The following BANK1 variants were observed in gnomAD, a reference collection of about 807,000 sequenced individuals.
BANK1 encodes B cell scaffold protein with ankyrin repeats 1.
BANK1 carries 95 observed loss-of-function variants against 94.5 expected under a neutral mutation model. That is an observed-to-expected ratio of 1.00 (90% CI 0.85 to 1.19). BANK1 has a LOEUF of 1.19. BANK1 is among the 50% of genes most tolerant of loss of function. The probability of loss-of-function intolerance (pLI) is 0.00; values close to 1 mark genes in which losing one functional copy is unlikely to be tolerated. For missense variants in BANK1, 987 were observed against 932.2 expected (o/e 1.06, Z -0.77); for synonymous variants, 334 against 308.4 (o/e 1.08, Z -0.87).
intron 7 of BANK1, among the ~76,000 whole-genome samples, chr4:101,963,290 T>A (rs1724634732): frequency 6.6e-6 from 1 of 152,170 alleles, no homozygotes. Context: ...CTCCTGCACT[T>A]ACAACTACCA....
At chr4:101,952,444 T>G (rs1373004274) in intron 7 of BANK1, among the ~76,000 whole-genome samples, 4 of 152,136 alleles carry the variant, frequency 2.6e-5, no homozygotes, top group Non-Finnish European at 4.4e-5. Flanking sequence ...ATGCATGCAA[T>G]AGATTCTCTG....
intron 1 of BANK1, among the ~76,000 whole-genome samples, chr4:101,794,180 C>T (rs1220830088): frequency 6.6e-5 from 10 of 151,916 alleles, no homozygotes; most frequent in African/African-American, 2.2e-4. Flanking sequence ...AAAATGAGAG[C>T]GTGCTCTGTT....
chr4:101,906,974 T>A (rs1722475639), intron 6 of BANK1, among the ~76,000 whole-genome samples: 1 of 152,174 alleles, frequency 6.6e-6, no homozygotes, highest in Admixed American at 6.5e-5. Context: ...CCTTCAGAGC[T>A]GAGAGCCCCG....
chr4:102,047,949 G>A (rs764757038), intron 11 of BANK1, among the ~76,000 whole-genome samples: 3 of 152,100 alleles, frequency 2.0e-5, no homozygotes, highest in African/African-American at 7.2e-5. Context: ...AAAGGGAAAC[G>A]AGGACCTAAT....
chr4:102,061,197 A>AC (rs1192268667), intron 12 of BANK1, among the ~76,000 whole-genome samples: 7 of 152,218 alleles, frequency 4.6e-5, no homozygotes, highest in Non-Finnish European at 1.5e-5. Context: ...CCCAAGAGAT[A>AC]ATTTTTGTTT....
chr4:101,960,305 G>T (rs760109934), intron 7 of BANK1, among the ~76,000 whole-genome samples: 12 of 152,132 alleles, frequency 7.9e-5, no homozygotes, highest in Non-Finnish European at 1.6e-4. Context: ...TATACTCAAG[G>T]TAGATGTAGA....
intron 1 of BANK1, among the ~76,000 whole-genome samples, chr4:101,811,804 A>G (rs1430993745): frequency 6.6e-6 from 1 of 152,212 alleles, no homozygotes; most frequent in East Asian, 1.9e-4. Context: ...TGGGATAAAT[A>G]AGATAAGAAG....
chr4:101,848,001 G>C (rs1314075305), intron 2 of BANK1, among the ~76,000 whole-genome samples: 2 of 152,056 alleles, frequency 1.3e-5, no homozygotes, highest in Non-Finnish European at 2.9e-5. Context: ...GCGAGGAATG[G>C]CTGCCTGGGA....
chr4:101,906,548 G>C (rs766084632), intron 6 of BANK1, among the ~76,000 whole-genome samples: 2 of 152,162 alleles, frequency 1.3e-5, no homozygotes, highest in Non-Finnish European at 2.9e-5. Flanking sequence ...GTGCAGAAGG[G>C]TAGGGATGAA....
At chr4:101,951,688 T>A (rs2851329) in intron 7 of BANK1, among the ~76,000 whole-genome samples, 51,062 of 151,774 alleles carry the variant, frequency 0.34, 9,731 homozygotes, top group Non-Finnish European at 0.43. Flanking sequence ...TTACATTTTT[T>A]AAAAAATTTG....
chr4:101,995,512 A>G (rs957601607), intron 7 of BANK1, among the ~76,000 whole-genome samples: 92 of 151,898 alleles, frequency 6.1e-4, no homozygotes, highest in African/African-American at 2.1e-3. Flanking sequence ...ATCCCTGAGG[A>G]ATCGCCACAC....
intron 5 of BANK1, among the ~76,000 whole-genome samples, chr4:101,876,207 A>AAGGGCCTTGGGTG (rs1945910702): frequency 6.6e-6 from 1 of 152,310 alleles, no homozygotes; most frequent in East Asian, 1.9e-4. Context: ...GTACTACATC[A>AAGGGCCTTGGGTG]AGGGCCTTGG....
chr4:102,071,647 G>A (rs1281853839), intron 14 of BANK1, among the ~76,000 whole-genome samples: 1 of 152,144 alleles, frequency 6.6e-6, no homozygotes, highest in Non-Finnish European at 1.5e-5. Context: ...TGTACCATGG[G>A]GAATTGCTAT....
At chr4:101,876,522 G>T (rs888036040) in intron 5 of BANK1, among the ~76,000 whole-genome samples, 1 of 152,036 alleles carries the variant, frequency 6.6e-6, no homozygotes, top group East Asian at 1.9e-4. Flanking sequence ...AAACAGATAC[G>T]GCTTAGATCA....
chr4:101,878,406 T>A (rs1728567013), intron 5 of BANK1, among the ~76,000 whole-genome samples: 1 of 152,190 alleles, frequency 6.6e-6, no homozygotes, highest in Admixed American at 6.5e-5. Flanking sequence ...TAACAGTATA[T>A]GACAATTTTA....
chr4:101,897,134 G>C (rs563541566), intron 6 of BANK1, among the ~76,000 whole-genome samples: 4 of 151,822 alleles, frequency 2.6e-5, no homozygotes, highest in Non-Finnish European at 5.9e-5. Context: ...TCCTGTAATC[G>C]TTTGTCTTGA....
chr4:101,837,548 A>G (rs1000131273), intron 2 of BANK1, among the ~76,000 whole-genome samples: 38 of 152,220 alleles, frequency 2.5e-4, no homozygotes, highest in Non-Finnish European at 4.7e-4. Flanking sequence ...TGAGACTGTA[A>G]GGACTAAGGT....
chr4:101,901,406 A>G (rs1398312076), intron 6 of BANK1, among the ~76,000 whole-genome samples: 1 of 152,204 alleles, frequency 6.6e-6, no homozygotes, highest in Non-Finnish European at 1.5e-5. Flanking sequence ...TAAAATTTCA[A>G]TTGACTGCTT....
chr4:101,792,259 C>CCG (rs904242269), intron 1 of BANK1, among the ~76,000 whole-genome samples: 17 of 139,428 alleles, frequency 1.2e-4, no homozygotes, highest in Admixed American at 2.8e-4. Context: ...TTCCGCTCCC[C>CCG]CCCCGCCCCG....
Sources: gnomAD v4.1 joint callset for allele counts (sites outside exome capture counted in the v4.1 genomes callset) on GRCh38, gnomAD v4.1.1 for gene constraint, MANE v1.5 for transcripts, NCBI Gene and HGNC (gene_info 2026-07-23, HGNC 2026-07-21) for gene names.